CCND3: variants seen among roughly 807,000 people sequenced by gnomAD.
CCND3 encodes cyclin D3.
In CCND3, 9 loss-of-function variants were observed where a neutral mutation model predicts 28.7. The ratio of observed to expected loss-of-function variants is 0.31; its 90% CI spans 0.19 to 0.55. CCND3 has a LOEUF of 0.55. Ranked by LOEUF, CCND3 falls within the 20% of genes least tolerant of loss-of-function variation. CCND3 has a pLI of 0.93. For synonymous variants in CCND3, 164 were observed against 163.9 expected, an observed-to-expected ratio of 1.00 and a Z score of 0.00; for missense variants, 315 against 385.8, an observed-to-expected ratio of 0.82 and a Z score of 1.54.
chr6:42,002,989 C>T (rs559375805), intron 1 of CCND3, among the ~76,000 whole-genome samples: 1 of 151,346 alleles, frequency 6.6e-6, no homozygotes, highest in Admixed American at 6.6e-5. Context: ...ATGGAGAAAC[C>T]CTGTGTCTAC....
rs564706103 is a variant in CCND3, at chr6:41,986,701, C to A, written c.-45-46116G>T. Among the ~76,000 whole-genome samples the A allele has an allele frequency of 3.9e-5, 6 of 152,104 alleles. No homozygotes were observed. The South Asian group carries it at 1.2e-3, about 32-fold the overall frequency. On this transcript the variant is annotated intron_variant, in intron 1 of 4. Coordinates refer to the CCND3 transcript ENST00000372988. ...TTTGGGGTTTCTTTTAATATACGAT[C>A]ATGTCATCTGCAGAGACAATGTTAC...
upstream of CCND3, among the ~76,000 whole-genome samples, chr6:42,049,289 G>C (rs554653036): frequency 2.0e-5 from 3 of 152,196 alleles, no homozygotes; most frequent in East Asian, 5.8e-4. Flanking sequence ...CACCCGCCTC[G>C]GCCTCTCAAA....
chr6:42,039,390 T>G (rs1764306927), intron 1 of CCND3, among the ~76,000 whole-genome samples: 1 of 152,192 alleles, frequency 6.6e-6, no homozygotes, highest in South Asian at 2.1e-4. Flanking sequence ...CCAGGAGTCC[T>G]CGACCCATGT....
intron 2 of CCND3, 97 bp from the exon 3 acceptor site, chr6:41,937,491 A>T: frequency 6.9e-7 from 1 of 1,456,008 alleles, no homozygotes; most frequent in Admixed American, 2.0e-5. Context: ...AAGCCCATCA[A>T]ACTTTTAAAG....
Position 42,028,971 on chromosome 6 carries a change from G to GTT in CCND3, c.-46+19528_-46+19529dup, listed in dbSNP as rs796486498. Among the ~76,000 whole-genome samples the GTT allele has an allele frequency of 7.3e-4, 100 of 137,790 alleles. 3 individuals are homozygous for GTT. The highest frequency in any genetic ancestry group is 1.9e-3 in the African/African-American group (71 of 37,330). The allele number at this position is 137,790 out of a possible 152,430, so 90.4% of individuals were successfully genotyped here. A position where few individuals can be genotyped will look rare whatever the true frequency, so the allele number is the denominator to read the frequency against. On this transcript the variant is annotated intron_variant, in intron 1 of 4. Transcript: ENST00000372988. The stretch of plus-strand genomic sequence containing the variant: ...GCTCTGTCACCACCACCTTGAAACG[G>GTT]TTTTTTTTTTTTTTTCCTAAGAGAC...
chr6:42,007,841 A>G (rs535843029), intron 1 of CCND3, among the ~76,000 whole-genome samples: 32 of 152,244 alleles, frequency 2.1e-4, no homozygotes, highest in Middle Eastern at 3.4e-3. Flanking sequence ...AAAGCACATA[A>G]TGTTGCTTTA....
chr6:41,989,419 A>C (rs568339042), intron 1 of CCND3, among the ~76,000 whole-genome samples: 1 of 136,038 alleles, frequency 7.4e-6, no homozygotes, highest in African/African-American at 2.7e-5. Flanking sequence ...GTGCCATTGT[A>C]CTCTAGCCTG....
Position 41,979,426 on chromosome 6 carries a change from C to G in CCND3, c.-45-38841G>C, listed in dbSNP as rs1036235874. Reference sequence around the variant, plus strand: ...GCAGGCACCTGTAGTCCCAGCTACTCGGGAGGCTGAGGCAGGAGAATGGCA... The same window carrying G: ...GCAGGCACCTGTAGTCCCAGCTACTGGGGAGGCTGAGGCAGGAGAATGGCA... On this transcript the variant is annotated intron_variant, in intron 1 of 4. Transcript: ENST00000372988. Among the ~76,000 whole-genome samples the G allele has an allele frequency of 2.1e-5, 3 of 146,148 alleles. No individual in the cohort carries two copies. In the East Asian group the frequency reaches 6.2e-4, roughly 30 times the overall value.
chr6:41,950,696 G>A (rs1776285099), intron 1 of CCND3, among the ~76,000 whole-genome samples: 1 of 151,038 alleles, frequency 6.6e-6, no homozygotes, highest in Non-Finnish European at 1.5e-5. Flanking sequence ...GAGATGAGAA[G>A]ACTCCCTTTT....
chr6:41,940,685 G>C, intron 1 of CCND3, 100 bp from the exon 2 acceptor site: 1 of 854,372 alleles, frequency 1.2e-6, no homozygotes, highest in South Asian at 1.4e-5. Flanking sequence ...GAGCAAAAAC[G>C]GCAGAGAGGG....
Position 41,941,372 on chromosome 6 carries a change from G to T in CCND3, c.198+80C>A. 4 of 1,564,228 alleles carry T rather than the reference G, an allele frequency of 2.6e-6. No individual in the cohort carries two copies. Among genetic ancestry groups the T allele is most frequent in the Non-Finnish European group, 3.4e-6 (4 of 1,159,454 alleles). ...GGAGCATCCTGCAGATTGCTGTGGG[G>T]ACCGGGATGTCCCGACAGGGCGGCC... On this transcript the variant is annotated intron_variant, in intron 1 of 4. Transcript: ENST00000372991. The surrounding 1 kb of genome is among the most constrained non-coding windows in gnomAD (Gnocchi z 6.1).
chr6:41,943,551 T>C (rs1776097113), upstream of CCND3, among the ~76,000 whole-genome samples: 1 of 152,230 alleles, frequency 6.6e-6, no homozygotes, highest in African/African-American at 2.4e-5. Flanking sequence ...TCTTCTCTAT[T>C]AGACATAATA....
Position 41,936,824 on chromosome 6 carries a change from AG to A in CCND3, c.575-130del. 3 of 913,516 alleles carry A rather than the reference AG, an allele frequency of 3.3e-6. No individual in the cohort carries two copies. The highest frequency in any genetic ancestry group is 5.0e-6 in the Non-Finnish European group (3 of 603,840). The allele number at this position is 913,516 out of a possible 1,614,324, so 56.6% of individuals were successfully genotyped here. On this transcript the variant is annotated intron_variant, in intron 3 of 4. Transcript: ENST00000372991. This position sits in a 1 kb window ranked among gnomAD's most constrained non-coding sequence, Gnocchi z 4.4. Reference sequence around the variant, plus strand: ...AGAGGACATGCTGGAAAACTCCAGCAGTGGGTGGGGCAAGATATCAGCAAGG... The same window carrying A: ...AGAGGACATGCTGGAAAACTCCAGCATGGGTGGGGCAAGATATCAGCAAGG...
chr6:42,032,250 T>A (rs914486167), intron 1 of CCND3, among the ~76,000 whole-genome samples: 8 of 152,294 alleles, frequency 5.3e-5, no homozygotes, highest in African/African-American at 1.9e-4. Flanking sequence ...CACACCTGAC[T>A]ACTCTTTTTT....
chr6:42,036,377 CTA>C (rs1162806893), intron 1 of CCND3, among the ~76,000 whole-genome samples: 1,619 of 59,502 alleles, frequency 0.027, 157 homozygotes, highest in Middle Eastern at 0.08. Flanking sequence ...TGCATATATA[CTA>C]TATATATATA....
chr6:41,988,733 C>G (rs1379274361), intron 1 of CCND3, among the ~76,000 whole-genome samples: 1 of 131,110 alleles, frequency 7.6e-6, no homozygotes, highest in Non-Finnish European at 1.6e-5. Context: ...GAGTCTGGCT[C>G]TGTCGCCCAG....
At chr6:41,940,922 C>G in intron 1 of CCND3, 1 of 1,583,812 alleles carries the variant, frequency 6.3e-7, no homozygotes, top group Non-Finnish European at 8.7e-7. Flanking sequence ...GCTGGGACCT[C>G]ACCCCCATCA....
intron 1 of CCND3, among the ~76,000 whole-genome samples, chr6:42,006,071 G>A (rs1299420711): frequency 6.6e-6 from 1 of 151,918 alleles, no homozygotes; most frequent in South Asian, 2.1e-4. Context: ...GGAGGCTGAG[G>A]GGGTAGGATT....
chr6:42,046,004 A>G (rs1382762119), intron 1 of CCND3, among the ~76,000 whole-genome samples: 1 of 152,190 alleles, frequency 6.6e-6, no homozygotes, highest in African/African-American at 2.4e-5. Flanking sequence ...ATAGTTCTTA[A>G]GGTTCACGTC....
Sources: gnomAD v4.1 joint callset for allele counts (sites outside exome capture counted in the v4.1 genomes callset) on GRCh38, gnomAD v4.1.1 for gene constraint, Gnocchi (gnomAD v3.1) non-coding constraint, MANE v1.5 for transcripts, NCBI Gene and HGNC (gene_info 2026-07-23, HGNC 2026-07-21) for gene names.